Variants in CHERP observed in about 807,000 individuals in gnomAD.
CHERP encodes the protein ERPROT 213-21.
Under a neutral mutation model 113.8 loss-of-function variants are expected in CHERP, and 8 were observed. The observed-to-expected ratio is 0.07, with a 90% CI of 0.04 to 0.13. The LOEUF is 0.13. CHERP is among the 10% of genes least tolerant of loss of function. The pLI is 1.00. For missense variants in CHERP, 884 were observed against 1,298.2 expected (o/e 0.68, Z 4.90); for synonymous variants, 559 against 524.5 (o/e 1.07, Z -0.90).
intron 1 of CHERP, 112 bp downstream of exon 1, chr19:16,542,242 C>T: frequency 1.5e-5 from 17 of 1,143,992 alleles, no homozygotes; most frequent in Non-Finnish European, 2.0e-5. Flanking sequence ...GCAGGCGAAG[C>T]CGCGAGGCCG....
At chr19:16,521,247 G>A (rs1480645374) in intron 12 of CHERP, 1 of 569,336 alleles carries the variant, frequency 1.8e-6, no homozygotes, top group Non-Finnish European at 3.1e-6. Flanking sequence ...CACTGGGAAG[G>A]GTGGGCTGAG....
chr19:16,529,851 G>A lies in CHERP; in HGVS notation c.926C>T (p.Ala309Val). ...YSSVVQPVQL[A>V]FQQQIQTLKT... ...GAGGGTCTGGATCTGCTGCTGGAAG[G>A]CCAGCTGCACCGGCTGGACCACTGA... is the stretch of plus-strand genomic sequence containing the variant. Residue 309 changes from alanine (A) to valine (V), a missense_variant, in exon 8 of 17, where the codon GCC (alanine) becomes GTC (valine). By Grantham distance (64) the Ala-to-Val change is moderately conservative (BLOSUM62 0). Transcript: ENST00000546361. 1 of 1,613,834 alleles carries A rather than the reference G, an allele frequency of 6.2e-7. No homozygotes were observed. The highest frequency in any genetic ancestry group is 8.5e-7 in the Non-Finnish European group (1 of 1,179,990).
Position 16,523,527 on chromosome 19 carries a change from C to T in CHERP, c.1742-237G>A, listed in dbSNP as rs1267916871. Among the ~76,000 whole-genome samples the T allele has an allele frequency of 6.6e-6, 1 of 152,112 alleles. No individual in the cohort carries two copies. Among genetic ancestry groups the T allele is most frequent in the Admixed American group, 6.5e-5 (1 of 15,268 alleles). On this transcript the variant is annotated intron_variant, in intron 10 of 16. Transcript: ENST00000546361. The surrounding 1 kb of genome is among the most constrained non-coding windows in gnomAD (Gnocchi z 4.0). ...GAGCTTGAGGCTGAGAGAAGAGAACCCCAAAACCCCAAAACTGCACGGTGA... is the reference window on the plus strand; with the variant it reads ...GAGCTTGAGGCTGAGAGAAGAGAACTCCAAAACCCCAAAACTGCACGGTGA...
intron 3 of CHERP, 111 bp from the exon 4 acceptor site, chr19:16,533,259 C>G: frequency 1.0e-6 from 1 of 980,464 alleles, no homozygotes; most frequent in Non-Finnish European, 1.5e-6. Flanking sequence ...GATGCCCGGA[C>G]TCTGGGCTGC....
Position 16,519,167 on chromosome 19 carries a change from A to G in CHERP, c.2743T>C (p.Cys915Arg), listed in dbSNP as rs750997201. ...FIARMKARDE[C>R]K Reference sequence around the variant, plus strand: ...GCTCCCGGCATGGGCGCCTACTTACACTCGTCCCTGGCCTTCATGCGGGCG... The same window carrying G: ...GCTCCCGGCATGGGCGCCTACTTACGCTCGTCCCTGGCCTTCATGCGGGCG... The change falls in exon 17 of 17, where the codon TGT becomes CGT. Residue 915 changes from cysteine to arginine, a missense_variant. By Grantham distance (180) the Cys-to-Arg change is radical. Transcript: ENST00000546361. This position sits in a 1 kb window ranked among gnomAD's most constrained non-coding sequence, Gnocchi z 6.0. 6.2e-7 allele frequency: 1 copy of G among 1,612,658 alleles called. No homozygotes were observed. The highest frequency in any genetic ancestry group is 8.5e-7 in the Non-Finnish European group (1 of 1,179,636).
At position 16,520,717 on chromosome 19, in the gene CHERP, G is replaced by T; in HGVS notation, c.2201+109C>A. The stretch of plus-strand genomic sequence containing the variant: ...CCTTGTGGAAAACACCGCCCCATAG[G>T]CACAGGCTGTGTGAGGGTGGACGTG... On this transcript the variant is annotated intron_variant, in intron 13 of 16. Coordinates refer to ENST00000546361, the MANE Select transcript of CHERP (RefSeq NM_006387.6). This position sits in a 1 kb window ranked among gnomAD's most constrained non-coding sequence, Gnocchi z 4.0. 2 of 1,234,784 alleles carry T rather than the reference G, an allele frequency of 1.6e-6. No homozygotes were observed. The highest frequency in any genetic ancestry group is 2.4e-6 in the Non-Finnish European group (2 of 846,692). 76.5% of individuals were successfully genotyped at this position (1,234,784 alleles called of 1,614,324 possible). A position where few individuals can be genotyped will look rare whatever the true frequency, so the allele number is the denominator to read the frequency against.
At position 16,520,627 on chromosome 19, in the gene CHERP, T is replaced by C. The variant is rs931157579; in HGVS notation, c.2202-120A>G. On this transcript the variant is annotated intron_variant, in intron 13 of 16. Coordinates refer to ENST00000546361, the MANE Select transcript of CHERP (RefSeq NM_006387.6). The surrounding 1 kb of genome is among the most constrained non-coding windows in gnomAD (Gnocchi z 4.0). Reference sequence around the variant, plus strand: ...GGCTCTGGCTGTGGATGTGGCGCCATAGCCACAGCAACGGTACCAAGTTCC... The same window carrying C: ...GGCTCTGGCTGTGGATGTGGCGCCACAGCCACAGCAACGGTACCAAGTTCC... The C allele has an allele frequency of 9.1e-6, 11 of 1,205,514 alleles. No individual in the cohort carries two copies. The highest frequency in any genetic ancestry group is 2.0e-5 in the Admixed American group (1 of 51,010). 74.7% of individuals were successfully genotyped at this position (1,205,514 alleles called of 1,614,324 possible).
intron 3 of CHERP, among the ~76,000 whole-genome samples, chr19:16,533,788 C>CAA (rs2085722946): frequency 6.6e-6 from 1 of 150,564 alleles, no homozygotes; most frequent in African/African-American, 2.5e-5. Flanking sequence ...ACAACAACAA[C>CAA]AACAACAAAA....
Position 16,520,699 on chromosome 19 carries a change from GA to G in CHERP, c.2201+126del. On this transcript the variant is annotated intron_variant, in intron 13 of 16. Transcript: ENST00000546361. This position sits in a 1 kb window ranked among gnomAD's most constrained non-coding sequence, Gnocchi z 4.0. The stretch of plus-strand genomic sequence containing the variant: ...CTGCTGTGTGAATTCAGGCCTTGTG[GA>G]AAACACCGCCCCATAGGCACAGGCT... 1 of 1,183,332 alleles carries G rather than the reference GA, an allele frequency of 8.5e-7. No individual in the cohort carries two copies. The allele number at this position is 1,183,332 out of a possible 1,614,324, so 73.3% of individuals were successfully genotyped here. A position where few individuals can be genotyped will look rare whatever the true frequency, so the allele number is the denominator to read the frequency against.
intron 2 of CHERP, among the ~76,000 whole-genome samples, chr19:16,538,811 C>G (rs2085758136): frequency 6.6e-6 from 1 of 151,702 alleles, no homozygotes; most frequent in Non-Finnish European, 1.5e-5. Flanking sequence ...GAAAGCAGCC[C>G]TTAGCTCAGT....
At chr19:16,529,169 C>T (rs1465614616) in intron 8 of CHERP, among the ~76,000 whole-genome samples, 1 of 152,114 alleles carries the variant, frequency 6.6e-6, no homozygotes, top group African/African-American at 2.4e-5. Context: ...GTAGCTGGGA[C>T]GACAGGTGAG....
At chr19:16,540,842 C>T (rs895241469) in intron 2 of CHERP, among the ~76,000 whole-genome samples, 9 of 150,694 alleles carry the variant, frequency 6.0e-5, no homozygotes, top group African/African-American at 1.5e-4. Flanking sequence ...GGACTACAGG[C>T]GCGGGCCACC....
At position 16,530,757 on chromosome 19, in the gene CHERP, G is replaced by A. The variant is rs889735823; in HGVS notation, c.786+12C>T. ...CCGGTCTTGCCCAACCCCCGGCCCGGGGCCCACGCACCCGGGCGATCTTCT... is the reference window on the plus strand; with the variant it reads ...CCGGTCTTGCCCAACCCCCGGCCCGAGGCCCACGCACCCGGGCGATCTTCT... On this transcript the variant is annotated intron_variant, in intron 6 of 16. Coordinates refer to ENST00000546361, the MANE Select transcript of CHERP (RefSeq NM_006387.6). This position sits in a 1 kb window ranked among gnomAD's most constrained non-coding sequence, Gnocchi z 4.1. The A allele has an allele frequency of 1.2e-6, 2 of 1,613,944 alleles. No individual in the cohort carries two copies. Among genetic ancestry groups the A allele is most frequent in the Non-Finnish European group, 1.7e-6 (2 of 1,179,960 alleles).
At chr19:16,537,676 C>T (rs1472599546) in intron 2 of CHERP, among the ~76,000 whole-genome samples, 1 of 152,120 alleles carries the variant, frequency 6.6e-6, no homozygotes, top group Admixed American at 6.5e-5. Context: ...TCCAATCAGT[C>T]TATGTCCCCG....
intron 2 of CHERP, chr19:16,541,462 T>C (rs2122295373): frequency 5.9e-6 from 1 of 168,598 alleles, no homozygotes; most frequent in East Asian, 1.7e-4. Flanking sequence ...GCTGCAGGCA[T>C]CTGAAATGCA....
intron 9 of CHERP, 100 bp downstream of exon 9, chr19:16,527,980 C>G (rs940227106): frequency 1.3e-5 from 15 of 1,172,652 alleles, no homozygotes; most frequent in Middle Eastern, 2.9e-4. Flanking sequence ...CCTCATTGTT[C>G]CCCAGTAAGC....
chr19:16,530,998 C>T lies in CHERP; in HGVS notation c.675-118G>A, dbSNP rs1599751509. The T allele has an allele frequency of 6.8e-7, 1 of 1,477,442 alleles. No homozygotes were observed. The highest frequency in any genetic ancestry group is 9.0e-7 in the Non-Finnish European group (1 of 1,110,930). The allele number at this position is 1,477,442 out of a possible 1,614,324, so 91.5% of individuals were successfully genotyped here. A position where few individuals can be genotyped will look rare whatever the true frequency, so the allele number is the denominator to read the frequency against. ...GCCTTCTCGGGAATCGGGTCCCCAA[C>T]CCGGTCAGGGCGATGGCTGGGCTCC... On this transcript the variant is annotated intron_variant, in intron 5 of 16. Coordinates refer to ENST00000546361, the MANE Select transcript of CHERP (RefSeq NM_006387.6). The surrounding 1 kb of genome is among the most constrained non-coding windows in gnomAD (Gnocchi z 4.1).
intron 3 of CHERP, among the ~76,000 whole-genome samples, chr19:16,534,256 T>C (rs936118162): frequency 6.6e-6 from 1 of 152,130 alleles, no homozygotes; most frequent in Non-Finnish European, 1.5e-5. Flanking sequence ...TTCACCATAT[T>C]GGCCATGCTG....
chr19:16,523,234 C>T lies in CHERP; in HGVS notation c.1798G>A (p.Glu600Lys), dbSNP rs770620355. ...GHRMPHPGIN[E>K]HPPWAGPQHP... The stretch of plus-strand genomic sequence containing the variant: ...TGGGGTCCAGCCCAAGGCGGGTGCT[C>T]GTTGATGCCAGGATGAGGCATGCGG... The change falls in exon 11 of 17, where the codon GAG becomes AAG. Residue 600 changes from glutamate to lysine, a missense_variant. This residue lies in a region of CHERP where 464 missense variants were observed against 590.1 expected (regional missense o/e 0.79). Transcript: ENST00000546361. The surrounding 1 kb of genome is among the most constrained non-coding windows in gnomAD (Gnocchi z 4.0). 1.3e-6 allele frequency: 2 copies of T among 1,598,458 alleles called. No individual in the cohort carries two copies. The highest frequency in any genetic ancestry group is 1.7e-6 in the Non-Finnish European group (2 of 1,174,068).
Sources: gnomAD v4.1 joint callset for allele counts (sites outside exome capture counted in the v4.1 genomes callset) on GRCh38, gnomAD v4.1.1 for gene constraint, gnomAD v4.1.1 regional missense constraint, Gnocchi (gnomAD v3.1) non-coding constraint, MANE v1.5 for transcripts, NCBI Gene and HGNC (gene_info 2026-07-23, HGNC 2026-07-21) for gene names.